The following FYCO1 variants were observed in gnomAD, a reference collection of about 807,000 sequenced individuals.
FYCO1 encodes the protein FYVE and coiled-coil domain autophagy adaptor 1.
In FYCO1, 122 loss-of-function variants were observed where a neutral mutation model predicts 165.1. The observed-to-expected ratio is 0.74, with a 90% CI of 0.64 to 0.86. FYCO1 has a LOEUF of 0.86. FYCO1 is among the 40% of genes least tolerant of loss of function. The pLI, the probability that FYCO1 is intolerant of heterozygous loss-of-function variation, is 0.00. For missense variants in FYCO1, 1,702 were observed against 1,810.3 expected (o/e 0.94, Z 1.09); for synonymous variants, 648 against 742.5 (o/e 0.87, Z 2.07).
At position 45,969,740 on chromosome 3, in the gene FYCO1, C is replaced by T; in HGVS notation, c.565G>A (p.Ala189Thr). 1 of 1,613,956 alleles carries T rather than the reference C, an allele frequency of 6.2e-7. No individual in the cohort carries two copies. The highest frequency in any genetic ancestry group is 1.7e-5 in the Admixed American group (1 of 60,024). The change falls in exon 7 of 18, where the codon GCT (alanine) becomes ACT (threonine). Residue 189 changes from alanine (A) to threonine (T), a missense_variant. Physicochemically the swap from Ala to Thr is moderately conservative, Grantham distance 58. Coordinates refer to ENST00000296137, the MANE Select transcript of FYCO1 (RefSeq NM_024513.4). ...ARRTLTTGSS[A>T]YLWKPPSRSS... The stretch of plus-strand genomic sequence containing the variant: ...CGGCTAGGGGGTTTCCACAGGTAAG[C>T]AGAAGAGCCAGTGGTCAGCGTCCTC...
chr3:45,955,845 C>T (rs1705279312), intron 13 of FYCO1, among the ~76,000 whole-genome samples: 1 of 152,230 alleles, frequency 6.6e-6, no homozygotes, highest in Non-Finnish European at 1.5e-5. Flanking sequence ...TCCCTTAATC[C>T]ACTGATGCGT....
chr3:45,969,727 T>C lies in FYCO1; in HGVS notation c.578A>G (p.Lys193Arg), dbSNP rs539020890. Residue 193 changes from lysine to arginine, a missense_variant, in exon 7 of 18, where the codon AAA becomes AGA. Coordinates refer to ENST00000296137, the MANE Select transcript of FYCO1 (RefSeq NM_024513.4). Reference sequence around the variant, plus strand: ...CATGCTGGAGCTGCGGCTAGGGGGTTTCCACAGGTAAGCAGAAGAGCCAGT... The same window carrying C: ...CATGCTGGAGCTGCGGCTAGGGGGTCTCCACAGGTAAGCAGAAGAGCCAGT... ...LTTGSSAYLWKPPSRSSSMSS... is the reference protein window; with the variant it reads ...LTTGSSAYLWRPPSRSSSMSS... 1 of 1,614,056 alleles carries C rather than the reference T, an allele frequency of 6.2e-7. No individual in the cohort carries two copies. The highest frequency in any genetic ancestry group is 1.7e-5 in the Admixed American group (1 of 60,026).
At chr3:45,981,531 T>C (rs1316230045) in intron 3 of FYCO1, 39 bp downstream of exon 3, 1 of 1,247,526 alleles carries the variant, frequency 8.0e-7, no homozygotes, top group Non-Finnish European at 1.2e-6. Flanking sequence ...AGAAAAGAGA[T>C]ACCAGTGCAA....
intron 8 of FYCO1, among the ~76,000 whole-genome samples, chr3:45,965,716 C>G (rs576914323): frequency 7.2e-5 from 11 of 152,240 alleles, no homozygotes; most frequent in Non-Finnish European, 1.5e-4. Context: ...TCATTAAGAA[C>G]TCAGAGATAG....
rs1216727399 is a variant in FYCO1 at position 45,918,688 on chromosome 3, T to G, written c.*3077A>C. ...CTGGCGATTTCCTTTCATTTGGGCC[T>G]GAAATAGTTTCACCACCTTCGATGA... On this transcript the variant is annotated 3_prime_UTR_variant, in exon 18 of 18. Transcript: ENST00000296137. The G allele has an allele frequency of 6.6e-6, 1 of 152,240 alleles. No individual in the cohort carries two copies. Among genetic ancestry groups the G allele is most frequent in the Non-Finnish European group, 1.5e-5 (1 of 68,040 alleles). The allele number at this position is 152,240 out of a possible 1,614,324, so 9.4% of individuals were successfully genotyped here.
At chr3:45,994,973 G>A (rs2125886057) in intron 1 of FYCO1, among the ~76,000 whole-genome samples, 1 of 152,250 alleles carries the variant, frequency 6.6e-6, no homozygotes, top group South Asian at 2.1e-4. Context: ...TGCTTTAACA[G>A]GGGGCCACGC....
Position 45,993,162 on chromosome 3 carries a change from G to C in FYCO1, c.-113+2560C>G, listed in dbSNP as rs185665139. Among the ~76,000 whole-genome samples, 2 of 152,054 alleles carry C rather than the reference G, an allele frequency of 1.3e-5. No homozygotes were observed. The highest frequency in any genetic ancestry group is 3.8e-4 in the East Asian group (2 of 5,196). On this transcript the variant is annotated intron_variant, in intron 1 of 17. Coordinates refer to ENST00000296137, the MANE Select transcript of FYCO1 (RefSeq NM_024513.4). The surrounding 1 kb of genome is among the most constrained non-coding windows in gnomAD (Gnocchi z 4.4). Reference sequence around the variant, plus strand: ...TGTACACATCCTCCAAATGGCATCCGGCCTAATGAGAAACAGGCCCTTGGT... The same window carrying C: ...TGTACACATCCTCCAAATGGCATCCCGCCTAATGAGAAACAGGCCCTTGGT...
In FYCO1 at chr3:45,955,241, C is replaced by G. The variant is rs767259061; in HGVS notation, c.3944+8G>C. 3.7e-6 allele frequency: 6 copies of G among 1,613,674 alleles called. No individual in the cohort carries two copies. In the South Asian group the frequency reaches 6.6e-5, roughly 18 times the overall value. ...AGCACTCAGGAAATGGGGGTGACCT[C>G]TACTCACTGTTCAGCCGCATTTGGG... On this transcript the variant is annotated splice_region_variant and intron_variant, in intron 14 of 17. Transcript: ENST00000296137.
At chr3:45,938,902 T>C (rs1704046924) in intron 14 of FYCO1, among the ~76,000 whole-genome samples, 1 of 152,214 alleles carries the variant, frequency 6.6e-6, no homozygotes, top group Admixed American at 6.5e-5. Context: ...ACTCAGAGGA[T>C]GTCAAGGGAT....
intron 14 of FYCO1, among the ~76,000 whole-genome samples, chr3:45,937,040 C>A (rs1325966544): frequency 2.0e-5 from 3 of 152,170 alleles, no homozygotes; most frequent in Non-Finnish European, 1.5e-5. Context: ...GAAGTCCCTG[C>A]ACTTCACTGA....
At chr3:45,942,808 C>T (rs2234350) in intron 14 of FYCO1, among the ~76,000 whole-genome samples, 2 of 152,168 alleles carry the variant, frequency 1.3e-5, no homozygotes, top group African/African-American at 4.8e-5. Context: ...AGCCAGCCTA[C>T]GCAGGGTGGG....
intron 1 of FYCO1, among the ~76,000 whole-genome samples, chr3:45,991,260 AT>A (rs1358595039): frequency 1.3e-5 from 2 of 152,236 alleles, no homozygotes; most frequent in African/African-American, 2.4e-5. Context: ...GAATAGAATA[AT>A]ATAATTCAGG....
intron 14 of FYCO1, among the ~76,000 whole-genome samples, chr3:45,949,399 G>A (rs910618528): frequency 2.6e-5 from 4 of 152,238 alleles, no homozygotes; most frequent in Non-Finnish European, 5.9e-5. Context: ...CCCTGACAGT[G>A]TCCCGGCCCA....
intron 13 of FYCO1, among the ~76,000 whole-genome samples, chr3:45,956,415 T>G (rs1705330207): frequency 6.6e-6 from 1 of 152,178 alleles, no homozygotes; most frequent in South Asian, 2.1e-4. Flanking sequence ...TCAAAACAAG[T>G]GACCGCAGCA....
intron 11 of FYCO1, among the ~76,000 whole-genome samples, chr3:45,961,994 C>T (rs1314169952): frequency 6.6e-5 from 10 of 151,982 alleles, no homozygotes; most frequent in Admixed American, 6.6e-4. Flanking sequence ...TTCTCACAGT[C>T]CCCTCCTGAT....
Position 45,923,742 on chromosome 3 carries a change from G to C in FYCO1, c.4275C>G (p.Cys1425Trp). The C allele has an allele frequency of 6.2e-7, 1 of 1,613,880 alleles. No individual in the cohort carries two copies. The highest frequency in any genetic ancestry group is 1.7e-5 in the Admixed American group (1 of 60,006). ...QCKVLIPTTR[C>W]NSHKENIQGQ... ...CCTGGATGTTCTCCTTGTGGGAGTTGCATCGGGTCGTGGGAATGAGGACCT... is the reference window on the plus strand; with the variant it reads ...CCTGGATGTTCTCCTTGTGGGAGTTCCATCGGGTCGTGGGAATGAGGACCT... Residue 1425 changes from cysteine to tryptophan, a missense_variant, in exon 17 of 18, where the codon TGC becomes TGG. Cys to Trp is a radical substitution (Grantham distance 215, BLOSUM62 -2). Coordinates refer to ENST00000296137, the MANE Select transcript of FYCO1 (RefSeq NM_024513.4).
chr3:45,948,010 C>T (rs1386931), intron 14 of FYCO1: 2,026 of 171,070 alleles, frequency 0.012, 23 homozygotes, highest in Non-Finnish European at 0.02. Context: ...CACCTTGGGG[C>T]TTGACTTTTG....
chr3:45,990,835 G>C (rs1383534220), intron 1 of FYCO1, among the ~76,000 whole-genome samples: 1 of 152,080 alleles, frequency 6.6e-6, no homozygotes, highest in Non-Finnish European at 1.5e-5. Flanking sequence ...GCAGTGGCGC[G>C]ATCTCAGCTC....
At position 45,918,285 on chromosome 3, in the gene FYCO1, T is replaced by C. The variant is rs1702980903; in HGVS notation, c.*3480A>G. 6.6e-6 allele frequency: 1 copy of C among 152,396 alleles called. No individual in the cohort carries two copies. The highest frequency in any genetic ancestry group is 6.5e-5 in the Admixed American group (1 of 15,292). The allele number at this position is 152,396 out of a possible 1,614,324, so 9.4% of individuals were successfully genotyped here. Reference sequence around the variant, plus strand: ...AGATGCCTCCCCAAATTTCAAGATGTACTTTATTATTTTAAAAGTGCTTAA... The same window carrying C: ...AGATGCCTCCCCAAATTTCAAGATGCACTTTATTATTTTAAAAGTGCTTAA... On this transcript the variant is annotated 3_prime_UTR_variant, in exon 18 of 18. Transcript: ENST00000296137.
Sources: allele counts gnomAD v4.1 joint callset (sites outside exome capture counted in the v4.1 genomes callset), GRCh38; gene constraint gnomAD v4.1.1; non-coding constraint Gnocchi (gnomAD v3.1); transcripts MANE v1.5; gene names NCBI Gene and HGNC (gene_info 2026-07-23, HGNC 2026-07-21).